The following SLC37A3 variants were observed in gnomAD, a reference collection of about 807,000 sequenced individuals.
The protein encoded by SLC37A3 is solute carrier family 37 member 3.
In SLC37A3, 51 loss-of-function variants were observed where a neutral mutation model predicts 67.1. That is an observed-to-expected ratio of 0.76 (90% CI 0.61 to 0.96). The LOEUF (loss-of-function observed/expected upper bound fraction) is 0.96, where lower values mean the gene tolerates loss of function less well. Among genes scored for constraint, SLC37A3 ranks in the 40% least tolerant of loss-of-function variants. The probability of loss-of-function intolerance (pLI) is 0.00; values close to 1 mark genes in which losing one functional copy is unlikely to be tolerated. For synonymous variants in SLC37A3, 214 were observed against 231.4 expected (o/e 0.92, Z 0.68); for missense variants, 508 against 603.0 (o/e 0.84, Z 1.65).
intron 3 of SLC37A3, among the ~76,000 whole-genome samples, chr7:140,374,267 C>T (rs865806236): frequency 6.6e-6 from 1 of 152,054 alleles, no homozygotes; most frequent in Non-Finnish European, 1.5e-5. Flanking sequence ...GAGGCCAAGA[C>T]AGGTCGATCG....
chr7:140,382,310 A>C, intron 2 of SLC37A3, 128 bp downstream of exon 2: 1 of 767,210 alleles, frequency 1.3e-6, no homozygotes. Context: ...AGCTATCAAG[A>C]CTACAACAGA....
intron 9 of SLC37A3, 61 bp from the exon 10 acceptor site, chr7:140,348,828 T>A: frequency 4.4e-6 from 7 of 1,578,166 alleles, no homozygotes; most frequent in Non-Finnish European, 5.2e-6. Flanking sequence ...CTACCATTTT[T>A]AATGTCATTT....
chr7:140,384,661 G>A (rs905684734), intron 1 of SLC37A3, among the ~76,000 whole-genome samples: 4 of 152,128 alleles, frequency 2.6e-5, no homozygotes, highest in African/African-American at 9.7e-5. Context: ...CAAGGAGGCA[G>A]GGAGCTATGA....
chr7:140,340,953 A>AGC (rs1796339402), intron 13 of SLC37A3, among the ~76,000 whole-genome samples: 2 of 148,572 alleles, frequency 1.3e-5, no homozygotes, highest in African/African-American at 2.5e-5. Context: ...ATAGAGAGAG[A>AGC]GAGCCAGGGT....
At chr7:140,383,559 C>T (rs1311882574) in intron 1 of SLC37A3, among the ~76,000 whole-genome samples, 6 of 152,170 alleles carry the variant, frequency 3.9e-5, no homozygotes, top group Admixed American at 3.9e-4. Flanking sequence ...AGACTCTGGG[C>T]AAGCTGCCTA....
chr7:140,354,427 T>A (rs1005779300), intron 7 of SLC37A3, among the ~76,000 whole-genome samples: 2 of 152,078 alleles, frequency 1.3e-5, no homozygotes, highest in South Asian at 2.1e-4. Context: ...TACAGTATAG[T>A]TTTTCTTCCT....
At chr7:140,379,827 G>A (rs1798179288) in intron 3 of SLC37A3, 1 of 151,446 alleles carries the variant, frequency 6.6e-6, no homozygotes, top group Non-Finnish European at 1.5e-5. Flanking sequence ...CCAGAAGGTG[G>A]AGGTTGCAGA....
intron 4 of SLC37A3, among the ~76,000 whole-genome samples, chr7:140,365,592 G>A (rs909632282): frequency 3.3e-5 from 5 of 152,124 alleles, no homozygotes; most frequent in Admixed American, 1.3e-4. Flanking sequence ...ATGGTGGCTT[G>A]CGCCTGTAAT....
intron 1 of SLC37A3, among the ~76,000 whole-genome samples, chr7:140,391,870 C>T (rs1281255740): frequency 6.6e-6 from 1 of 152,184 alleles, no homozygotes; most frequent in Non-Finnish European, 1.5e-5. Context: ...ACAGCACCAT[C>T]CTATAAAATC....
At chr7:140,353,873 G>C (rs78715306) in intron 7 of SLC37A3, among the ~76,000 whole-genome samples, 1 of 151,680 alleles carries the variant, frequency 6.6e-6, no homozygotes, top group Admixed American at 6.6e-5. Flanking sequence ...GACCACGCCC[G>C]GCTAATTTTT....
rs537984347 is a variant in SLC37A3, at chr7:140,361,249, G to A, written c.376-2464C>T. On this transcript the variant is annotated intron_variant, in intron 5 of 14. Coordinates refer to ENST00000326232, the MANE Select transcript of SLC37A3 (RefSeq NM_207113.3). ...TGTAATCCCAGCACTTTGGGAGGCC[G>A]AGGTGGGCGGATCACCTGAGGTCGG... 1.4e-4 allele frequency among the ~76,000 whole-genome samples: 21 copies of A among 150,702 alleles called. No homozygotes were observed. In the South Asian group the frequency reaches 4.0e-3, roughly 29 times the overall value.
chr7:140,387,686 TTATATATATTATATAAATATAAATATAC>T (rs1563053012), intron 1 of SLC37A3, among the ~76,000 whole-genome samples: 3 of 109,512 alleles, frequency 2.7e-5, no homozygotes, highest in African/African-American at 3.7e-5. Flanking sequence ...TATAAATATA[TTATATATATTATATAAATATAAATATAC>T]TATATATATT....
rs186063950 is a variant in SLC37A3, at chr7:140,353,946, G to A, written c.618+1722C>T. 3.2e-3 allele frequency among the ~76,000 whole-genome samples: 485 copies of A among 152,098 alleles called. 13 individuals carry two copies. In the South Asian group the frequency reaches 0.049, roughly 15 times the overall value. The stretch of plus-strand genomic sequence containing the variant: ...AGGCTGGTCTTGAACTCCTGACCTC[G>A]TGATCCACCTGCCTCAGCCTCCCAA... On this transcript the variant is annotated intron_variant, in intron 7 of 14. Transcript: ENST00000326232.
Position 140,335,471 on chromosome 7 carries a change from T to A in SLC37A3, c.1426A>T (p.Ile476Leu). 6.2e-7 allele frequency: 1 copy of A among 1,614,140 alleles called. No homozygotes were observed. ...ACGAGAGAGAATATTTCCCTCACTA[T>A]TAATGGCGAGATAAACACAATTGTA... is the stretch of plus-strand genomic sequence containing the variant. The part of the protein sequence containing the change: ...SCTIVFISPL[I>L]VREIFSLVLR... The change falls in exon 15 of 15, where the codon ATA (isoleucine) becomes TTA (leucine). Residue 476 changes from isoleucine (I) to leucine (L), a missense_variant. By Grantham distance (5) the Ile-to-Leu change is conservative (BLOSUM62 2). Coordinates refer to ENST00000326232, the MANE Select transcript of SLC37A3 (RefSeq NM_207113.3).
At chr7:140,379,088 G>A (rs1798146322) in intron 3 of SLC37A3, 1 of 152,144 alleles carries the variant, frequency 6.6e-6, no homozygotes, top group South Asian at 2.1e-4. Context: ...CTAAAACTTT[G>A]GGAAGCCAAG....
At chr7:140,393,036 G>C (rs1798781214) in intron 1 of SLC37A3, among the ~76,000 whole-genome samples, 1 of 152,060 alleles carries the variant, frequency 6.6e-6, no homozygotes, top group African/African-American at 2.4e-5. Flanking sequence ...AGGTTGCAGT[G>C]AGCTGAGATC....
chr7:140,392,276 A>G (rs533612671), intron 1 of SLC37A3, among the ~76,000 whole-genome samples: 2 of 152,170 alleles, frequency 1.3e-5, no homozygotes, highest in South Asian at 2.1e-4. Context: ...GGTATTCCCT[A>G]TCTCAGCAAA....
rs538387369 is a variant in SLC37A3, at chr7:140,340,142, T to C, written c.1327-2793A>G. On this transcript the variant is annotated intron_variant, in intron 13 of 14. Transcript: ENST00000326232. ...TGACTAAGGATGCTGAGACTCTTCA[T>C]GTGCTTATTGGTCATTTGTACATAT... 5.3e-5 allele frequency among the ~76,000 whole-genome samples: 8 copies of C among 152,364 alleles called. No individual in the cohort carries two copies. The East Asian group carries it at 1.5e-3, about 29-fold the overall frequency.
At chr7:140,365,540 G>C (rs1305145167) in intron 4 of SLC37A3, among the ~76,000 whole-genome samples, 1 of 152,178 alleles carries the variant, frequency 6.6e-6, no homozygotes, top group Non-Finnish European at 1.5e-5. Flanking sequence ...GACCAACATG[G>C]TGAAACCCTG....
Sources: gnomAD v4.1 joint callset for allele counts (sites outside exome capture counted in the v4.1 genomes callset) on GRCh38, gnomAD v4.1.1 for gene constraint, MANE v1.5 for transcripts, NCBI Gene and HGNC (gene_info 2026-07-23, HGNC 2026-07-21) for gene names.